EXOSC5: variants seen among roughly 807,000 people sequenced by gnomAD.
EXOSC5 encodes exosome complex component RRP46.
A neutral mutation model predicts 23.7 loss-of-function variants in EXOSC5; 15 were observed. That is an observed-to-expected ratio of 0.63 (90% confidence interval 0.42 to 0.97). The LOEUF (loss-of-function observed/expected upper bound fraction) is 0.97. Ranked by LOEUF, EXOSC5 falls within the 50% of genes least tolerant of loss-of-function variation. The probability of loss-of-function intolerance (pLI) is 0.00; values close to 1 mark genes in which losing one functional copy is unlikely to be tolerated. For missense variants in EXOSC5, 305 were observed against 316.3 expected (o/e 0.96, Z 0.27); for synonymous variants, 143 against 140.9 (o/e 1.02, Z -0.11).
At chr19:41,394,664 C>A (rs898906480) in intron 1 of EXOSC5, among the ~76,000 whole-genome samples, 3 of 152,090 alleles carry the variant, frequency 2.0e-5, no homozygotes, top group African/African-American at 7.2e-5. Context: ...ATTACAGGTG[C>A]GTGCTACCAC....
Position 41,397,272 on chromosome 19 carries a change from G to A in EXOSC5, c.57C>T (p.Ser19=), listed in dbSNP as rs75733136. 1.9e-6 allele frequency: 3 copies of A among 1,614,212 alleles called. No homozygotes were observed. Among genetic ancestry groups the A allele is most frequent in the Admixed American group, 1.7e-5 (1 of 60,030 alleles). Residue 19 remains serine, a synonymous_variant, in exon 1 of 6, where the codon TCC becomes TCT. Transcript: ENST00000221233. ...GGCTGCAGCCAGGACCCCGAGGGCT[G>A]GACCCTGTTCCATTTTCAGCACGGA... ...AKIRAENGTG[S]SPRGPGCSLR...
intron 1 of EXOSC5, among the ~76,000 whole-genome samples, chr19:41,396,617 CTT>C (rs60285872): frequency 4.6e-4 from 60 of 130,160 alleles, no homozygotes; most frequent in African/African-American, 1.4e-3. Context: ...TTGCCCTAAT[CTT>C]TTTTTTTTTT....
intron 4 of EXOSC5, 137 bp from the exon 5 acceptor site, chr19:41,387,740 T>C (rs1035683792): frequency 1.4e-5 from 6 of 443,514 alleles, no homozygotes; most frequent in Admixed American, 4.4e-5. Flanking sequence ...GGGCACTGCT[T>C]GAGGCCAGAA....
chr19:41,394,566 G>A (rs1386496556), intron 1 of EXOSC5, among the ~76,000 whole-genome samples: 1 of 151,984 alleles, frequency 6.6e-6, no homozygotes, highest in African/African-American at 2.4e-5. Context: ...CCAGGAGGCT[G>A]GAGTGCAGTG....
intron 5 of EXOSC5, 76 bp downstream of exon 5, chr19:41,387,438 A>G: frequency 5.0e-6 from 6 of 1,200,466 alleles, no homozygotes; most frequent in Non-Finnish European, 6.8e-6. Context: ...CTCAGAATCC[A>G]GGGCAGAGTT....
intron 1 of EXOSC5, among the ~76,000 whole-genome samples, chr19:41,394,281 C>T (rs546287049): frequency 6.6e-5 from 10 of 151,662 alleles, no homozygotes; most frequent in African/African-American, 2.2e-4. Flanking sequence ...GGGAGGCCGA[C>T]GCAGGAGAAT....
intron 1 of EXOSC5, among the ~76,000 whole-genome samples, chr19:41,394,270 T>C (rs765498982): frequency 2.9e-4 from 44 of 151,796 alleles, no homozygotes; most frequent in Admixed American, 1.4e-3. Flanking sequence ...CTCAGCTACT[T>C]GGGAGGCCGA....
At chr19:41,397,102 T>C (rs2039074552) in intron 1 of EXOSC5, 79 bp downstream of exon 1, 1 of 1,484,696 alleles carries the variant, frequency 6.7e-7, no homozygotes, top group South Asian at 1.3e-5. Flanking sequence ...TACCAGCTGG[T>C]ATCGTGAGGA....
intron 1 of EXOSC5, among the ~76,000 whole-genome samples, chr19:41,396,839 T>TGG (rs577995887): frequency 1.7e-3 from 39 of 23,570 alleles, no homozygotes; most frequent in South Asian, 1.2e-3. Flanking sequence ...AGGGTGTGTG[T>TGG]GTGGGGGGTG....
rs935642482 is a variant in EXOSC5, at chr19:41,390,276, T to C, written c.385-371A>G. Among the ~76,000 whole-genome samples the C allele has an allele frequency of 2.6e-5, 4 of 152,156 alleles. No homozygotes were observed. In the East Asian group the frequency reaches 7.7e-4, roughly 29 times the overall value. ...AGGCCTGGCCAGCAGAGCAGATCCA[T>C]GCCTCCCTCCACCAGGCTGATGCCT... is the stretch of plus-strand genomic sequence containing the variant. On this transcript the variant is annotated intron_variant, in intron 3 of 5. Transcript: ENST00000221233.
At chr19:41,395,395 G>A (rs1250132341) in intron 1 of EXOSC5, among the ~76,000 whole-genome samples, 1 of 152,112 alleles carries the variant, frequency 6.6e-6, no homozygotes, top group East Asian at 1.9e-4. Flanking sequence ...TCTTGAAGAC[G>A]TGGCTCCAGC....
rs1269153471 is a variant in EXOSC5 at position 41,387,522 on chromosome 19, C to T, written c.607G>A (p.Asp203Asn). 6.2e-7 allele frequency: 1 copy of T among 1,600,322 alleles called. No homozygotes were observed. Among genetic ancestry groups the T allele is most frequent in the Admixed American group, 1.7e-5 (1 of 57,370 alleles). Residue 203 changes from aspartate to asparagine, a missense_variant, in exon 5 of 6, where the codon GAC (aspartate) becomes AAC (asparagine). Coordinates refer to ENST00000221233, the MANE Select transcript of EXOSC5 (RefSeq NM_020158.4). ...CATCCCCATGCTGGTACCTCAGTGT[C>T]TGAGTAGAGCCCCTTGGTGCTGGAC... ...LMSSTKGLYS[D>N]TELQQCLAAA...
intron 3 of EXOSC5, 127 bp from the exon 4 acceptor site, chr19:41,390,032 A>G: frequency 8.4e-7 from 1 of 1,192,990 alleles, no homozygotes; most frequent in Non-Finnish European, 1.1e-6. Flanking sequence ...TCCTGGGTTC[A>G]AGCAATTCTC....
intron 4 of EXOSC5, 138 bp downstream of exon 4, chr19:41,389,627 C>T: frequency 5.5e-6 from 7 of 1,264,018 alleles, no homozygotes; most frequent in Non-Finnish European, 7.6e-6. Flanking sequence ...GCTAAATGAA[C>T]CATGATGATT....
At chr19:41,393,703 G>A (rs568521046) in intron 1 of EXOSC5, among the ~76,000 whole-genome samples, 1 of 152,050 alleles carries the variant, frequency 6.6e-6, no homozygotes, top group Non-Finnish European at 1.5e-5. Context: ...GGGATTACAG[G>A]CGCGCGCCAC....
chr19:41,389,134 C>G (rs1183199610), intron 4 of EXOSC5, among the ~76,000 whole-genome samples: 2 of 151,280 alleles, frequency 1.3e-5, no homozygotes, highest in Non-Finnish European at 2.9e-5. Context: ...TTAGTAGAGA[C>G]AGGGTTTTGC....
At chr19:41,387,144 A>G (rs1228866785) in intron 5 of EXOSC5, among the ~76,000 whole-genome samples, 3 of 152,144 alleles carry the variant, frequency 2.0e-5, no homozygotes, top group Non-Finnish European at 2.9e-5. Flanking sequence ...GTATTCCTAG[A>G]TTCATGAGGT....
intron 4 of EXOSC5, 103 bp downstream of exon 4, chr19:41,389,662 T>C: frequency 6.8e-7 from 1 of 1,474,374 alleles, no homozygotes; most frequent in Non-Finnish European, 9.1e-7. Context: ...TAAGTGGGAT[T>C]GAGGTGGCAT....
intron 3 of EXOSC5, among the ~76,000 whole-genome samples, chr19:41,390,485 T>C (rs971169367): frequency 4.6e-5 from 7 of 152,196 alleles, no homozygotes; most frequent in African/African-American, 1.7e-4. Context: ...TAATATTCAA[T>C]AGGTATGTAC....
Sources: gnomAD v4.1 joint callset for allele counts (sites outside exome capture counted in the v4.1 genomes callset) on GRCh38, gnomAD v4.1.1 for gene constraint, MANE v1.5 for transcripts, NCBI Gene and HGNC (gene_info 2026-07-23, HGNC 2026-07-21) for gene names.